The following CUX1 variants were observed in gnomAD, a reference collection of about 807,000 sequenced individuals.
CUX1 encodes the protein protein CASP.
A neutral mutation model predicts 158.8 loss-of-function variants in CUX1; 31 were observed. The ratio of observed to expected loss-of-function variants is 0.20; its 90% CI spans 0.15 to 0.26. CUX1 has a LOEUF of 0.26. CUX1 is among the 10% of genes least tolerant of loss of function. The pLI, the probability that CUX1 is intolerant of heterozygous loss-of-function variation, is 1.00. For synonymous variants in CUX1, 879 were observed against 862.1 expected (o/e 1.02, Z -0.34); for missense variants, 1,589 against 2,014.6 (o/e 0.79, Z 4.04).
rs1346112752 is a variant in CUX1 at position 102,034,565 on chromosome 7, C to T, written c.189+6420C>T. The stretch of plus-strand genomic sequence containing the variant: ...TTCAGGAGATCGAGACCATCCTGGC[C>T]AACATGGTGAAACCCCAGCTCTACT... On this transcript the variant is annotated intron_variant, in intron 3 of 23. Coordinates refer to ENST00000292535, the MANE Select transcript of CUX1 (RefSeq NM_181552.4). 6.6e-5 allele frequency among the ~76,000 whole-genome samples: 10 copies of T among 151,926 alleles called. No homozygotes were observed. The East Asian group carries it at 1.9e-3, about 29-fold the overall frequency.
At chr7:101,925,867 T>C (rs547534284) in intron 2 of CUX1, among the ~76,000 whole-genome samples, 4 of 152,206 alleles carry the variant, frequency 2.6e-5, no homozygotes, top group Admixed American at 6.5e-5. Context: ...TAGCAGGAGA[T>C]TGAGGCTTCA....
chr7:102,065,809 T>C (rs1825480816), intron 3 of CUX1, among the ~76,000 whole-genome samples: 1 of 151,920 alleles, frequency 6.6e-6, no homozygotes, highest in South Asian at 2.1e-4. Context: ...TGTTTTGTTC[T>C]GAGATGGAGT....
intron 23 of CUX1, among the ~76,000 whole-genome samples, chr7:102,243,547 T>G (rs1800446044): frequency 6.6e-6 from 1 of 150,718 alleles, no homozygotes; most frequent in African/African-American, 2.4e-5. Context: ...TGCCTGGAAC[T>G]CCACCACATT....
chr7:101,986,868 C>T (rs546560119), intron 2 of CUX1, among the ~76,000 whole-genome samples: 46 of 152,274 alleles, frequency 3.0e-4, no homozygotes, highest in African/African-American at 1.1e-3. Flanking sequence ...GCTGTCAGGG[C>T]CCTGCTGCAG....
In CUX1 at chr7:102,216,546, A is replaced by ACACC. The variant is rs145620241; in HGVS notation, c.3131-10820_3131-10819insACCC. ...CACACTCTCCCCCCCACACACACAC[A>ACACC]CCCACACACGCACACACACTCCCAC... is the stretch of plus-strand genomic sequence containing the variant. On this transcript the variant is annotated intron_variant, in intron 20 of 23. Coordinates refer to ENST00000292535, the MANE Select transcript of CUX1 (RefSeq NM_181552.4). Among the ~76,000 whole-genome samples, 12 of 98,212 alleles carry ACACC rather than the reference A, an allele frequency of 1.2e-4. 1 individual carries two copies. Among genetic ancestry groups the ACACC allele is most frequent in the South Asian group, 3.9e-4 (1 of 2,588 alleles). 64.4% of individuals were successfully genotyped at this position (98,212 alleles called of 152,430 possible).
intron 6 of CUX1, among the ~76,000 whole-genome samples, chr7:102,105,030 G>A (rs574817988): frequency 6.6e-6 from 1 of 152,348 alleles, no homozygotes; most frequent in South Asian, 2.1e-4. Context: ...CTCAAGGCAT[G>A]AGTCGTTAGC....
intron 2 of CUX1, among the ~76,000 whole-genome samples, chr7:101,998,561 G>T (rs1051655262): frequency 6.6e-6 from 1 of 152,250 alleles, no homozygotes; most frequent in Non-Finnish European, 1.5e-5. Flanking sequence ...CCTGTTTGGG[G>T]GAGAAGTAGT....
chr7:102,184,689 C>T (rs947758382), intron 11 of CUX1, among the ~76,000 whole-genome samples: 3 of 152,070 alleles, frequency 2.0e-5, no homozygotes, highest in Non-Finnish European at 2.9e-5. Context: ...TCTTTTGCCC[C>T]AGGATGGAGT....
At chr7:101,912,255 C>G (rs1803579322) in intron 1 of CUX1, among the ~76,000 whole-genome samples, 1 of 135,278 alleles carries the variant, frequency 7.4e-6, no homozygotes, top group African/African-American at 2.7e-5. Context: ...CCTCCTCCTC[C>G]TCTATCTCCA....
intron 3 of CUX1, among the ~76,000 whole-genome samples, chr7:102,061,323 C>G (rs1414711052): frequency 6.6e-6 from 1 of 152,168 alleles, no homozygotes; most frequent in Non-Finnish European, 1.5e-5. Context: ...TCAAACCACA[C>G]ACTCTTTCCA....
At chr7:102,011,607 C>G (rs1445508635) in intron 2 of CUX1, among the ~76,000 whole-genome samples, 1 of 151,310 alleles carries the variant, frequency 6.6e-6, no homozygotes, top group Non-Finnish European at 1.5e-5. Context: ...TCTTGAACTC[C>G]TGACCTCAGG....
rs1300595316 is a variant in CUX1, at chr7:101,980,430, A to C, written c.142-47668A>C. Among the ~76,000 whole-genome samples the C allele has an allele frequency of 2.0e-5, 3 of 152,094 alleles. No homozygotes were observed. The East Asian group carries it at 5.8e-4, about 29-fold the overall frequency. On this transcript the variant is annotated intron_variant, in intron 2 of 23. Coordinates refer to ENST00000292535, the MANE Select transcript of CUX1 (RefSeq NM_181552.4). ...GAAGCTGAGGTGGGAGGATTGCTCC[A>C]CCCGAGAGGTCGAGGCTGCAGTCAG...
intron 1 of CUX1, among the ~76,000 whole-genome samples, chr7:101,867,195 A>C (rs761308576): frequency 1.3e-5 from 2 of 152,144 alleles, no homozygotes; most frequent in Non-Finnish European, 2.9e-5. Context: ...CCAGCCTGGG[A>C]GACAGAGCAA....
At chr7:102,100,913 A>C (rs1554486144) in intron 5 of CUX1, among the ~76,000 whole-genome samples, 1 of 152,210 alleles carries the variant, frequency 6.6e-6, no homozygotes, top group East Asian at 1.9e-4. Context: ...ATGGTTCTGC[A>C]GGCTGTATGA....
intron 23 of CUX1, among the ~76,000 whole-genome samples, chr7:102,243,676 A>G (rs1800488151): frequency 6.9e-6 from 1 of 144,278 alleles, no homozygotes; most frequent in African/African-American, 2.7e-5. Context: ...AATAATAATA[A>G]TAAAATAAAT....
At position 102,195,549 on chromosome 7, in the gene CUX1, C is replaced by A. The variant is rs1554518033; in HGVS notation, c.1168C>A (p.Arg390Ser). ...PLEVLLLEKNRSLQSENAALR... is the reference protein window; with the variant it reads ...PLEVLLLEKNSSLQSENAALR... ...GGAGGTGCTGTTGCTGGAGAAGAAC[C>A]GCTCGCTGCAGTCCGAGAACGCCGC... Residue 390 changes from arginine (R) to serine (S), a missense_variant, in exon 14 of 24, where the codon CGC (arginine) becomes AGC (serine). By Grantham distance (110) the Arg-to-Ser change is moderately radical (BLOSUM62 -1). This residue lies in a region of CUX1 where 515 missense variants were observed against 574.4 expected (regional missense o/e 0.90). Coordinates refer to ENST00000292535, the MANE Select transcript of CUX1 (RefSeq NM_181552.4). 1.2e-6 allele frequency: 2 copies of A among 1,613,066 alleles called. No individual in the cohort carries two copies. The highest frequency in any genetic ancestry group is 2.7e-5 in the African/African-American group (2 of 74,944).
At chr7:101,973,661 G>A (rs1812269252) in intron 2 of CUX1, among the ~76,000 whole-genome samples, 1 of 151,940 alleles carries the variant, frequency 6.6e-6, no homozygotes, top group African/African-American at 2.4e-5. Context: ...GAATTGGAGT[G>A]AATTTTGAAA....
intron 5 of CUX1, among the ~76,000 whole-genome samples, chr7:102,098,437 C>T (rs1305754465): frequency 6.6e-6 from 1 of 152,098 alleles, no homozygotes; most frequent in African/African-American, 2.4e-5. Context: ...CGTAGCAATA[C>T]TCTGTCTCTA....
intron 2 of CUX1, among the ~76,000 whole-genome samples, chr7:101,967,410 T>G (rs1210753853): frequency 6.6e-6 from 1 of 152,202 alleles, no homozygotes; most frequent in South Asian, 2.1e-4. Flanking sequence ...CCGCGCTAGA[T>G]CTGGTAGCCG....
Sources: allele counts gnomAD v4.1 joint callset (sites outside exome capture counted in the v4.1 genomes callset), GRCh38; gene constraint gnomAD v4.1.1; regional missense constraint gnomAD v4.1.1; transcripts MANE v1.5; gene names NCBI Gene and HGNC (gene_info 2026-07-23, HGNC 2026-07-21).